Variants in SAMD5 observed in about 807,000 individuals in gnomAD.
SAMD5 encodes sterile alpha motif domain-containing protein 5.
A neutral mutation model predicts 11.3 loss-of-function variants in SAMD5; 13 were observed. That is an observed-to-expected ratio of 1.15 (90% CI 0.75 to 1.83). The LOEUF (loss-of-function observed/expected upper bound fraction) is 1.83, where lower values mean the gene tolerates loss of function less well. SAMD5 is among the 40% of genes most tolerant of loss of function. The pLI, the probability that SAMD5 is intolerant of heterozygous loss-of-function variation, is 0.00. For synonymous variants in SAMD5, 129 were observed against 111.3 expected (o/e 1.16, Z -1.00); for missense variants, 255 against 239.1 (o/e 1.07, Z -0.44).
chr6:147,917,348 A>G, the SAMD5 span, among the ~76,000 whole-genome samples: 2 of 148,624 alleles, frequency 1.3e-5, no homozygotes, highest in African/African-American at 5.0e-5. Context: ...GGCTGCATAA[A>G]TGTCTTCTTT....
At chr6:147,865,536 C>G in the SAMD5 span, among the ~76,000 whole-genome samples, 1 of 152,152 alleles carries the variant, frequency 6.6e-6, no homozygotes. Flanking sequence ...AGCAGCTTTG[C>G]AATTCTAAGT....
intron 1 of SAMD5, among the ~76,000 whole-genome samples, chr6:147,582,459 A>G (rs180794606): frequency 1.3e-5 from 2 of 152,252 alleles, no homozygotes; most frequent in African/African-American, 4.8e-5. Flanking sequence ...CTAAGAGTCT[A>G]TATATTCCTC....
At chr6:147,905,931 CTGAGCAATT>C in the SAMD5 span, among the ~76,000 whole-genome samples, 1 of 152,180 alleles carries the variant, frequency 6.6e-6, no homozygotes, top group African/African-American at 2.4e-5. Flanking sequence ...CCACTAGACG[CTGAGCAATT>C]TGAGGGCTGC....
the SAMD5 span, among the ~76,000 whole-genome samples, chr6:147,892,341 C>G: frequency 6.6e-6 from 1 of 152,294 alleles, no homozygotes; most frequent in East Asian, 1.9e-4. Context: ...ATTGGCTGCC[C>G]TATCAGGGAT....
the SAMD5 span, among the ~76,000 whole-genome samples, chr6:147,760,190 C>T: frequency 6.6e-6 from 1 of 152,042 alleles, no homozygotes; most frequent in African/African-American, 2.4e-5. Context: ...GCTTCATAAC[C>T]AATGAGCATG....
chr6:147,816,366 T>TTATA, the SAMD5 span, among the ~76,000 whole-genome samples: 582 of 139,056 alleles, frequency 4.2e-3, 6 homozygotes, highest in African/African-American at 0.014. Context: ...TATATGCAGT[T>TTATA]TATATATATA....
Position 147,509,329 on chromosome 6 carries a change from T to A in SAMD5, c.401T>A (p.Ile134Asn). The A allele has an allele frequency of 6.3e-7, 1 of 1,582,134 alleles. No homozygotes were observed. The highest frequency in any genetic ancestry group is 8.6e-7 in the Non-Finnish European group (1 of 1,166,112). The change falls in exon 1 of 2, where the codon ATC becomes AAC. Residue 134 changes from isoleucine (I) to asparagine (N), a missense_variant. By Grantham distance (149) the Ile-to-Asn change is moderately radical. Transcript: ENST00000367474. Reference protein sequence around the residue: ...SYPKLKLKIMIRDKLVRDGIH... With the variant: ...SYPKLKLKIMNRDKLVRDGIH... ...CCCAAACTGAAGCTGAAGATCATGA[T>A]CAGGGATAAGCTCGTCCGTGACGGC...
chr6:147,914,482 C>T, the SAMD5 span, among the ~76,000 whole-genome samples: 2 of 152,074 alleles, frequency 1.3e-5, no homozygotes, highest in Non-Finnish European at 1.5e-5. Flanking sequence ...GAATTCATGC[C>T]TCCCTGTCAA....
chr6:147,919,900 A>G, the SAMD5 span, among the ~76,000 whole-genome samples: 1 of 152,372 alleles, frequency 6.6e-6, no homozygotes, highest in African/African-American at 2.4e-5. Flanking sequence ...TCATAAAGAC[A>G]CTGAGAATTC....
chr6:147,944,842 T>C, the SAMD5 span, among the ~76,000 whole-genome samples: 1 of 152,202 alleles, frequency 6.6e-6, no homozygotes, highest in African/African-American at 2.4e-5. Context: ...AAGAATCTGT[T>C]CATGCCTCTT....
chr6:147,565,859 A>T lies in SAMD5; in HGVS notation c.*1403A>T, dbSNP rs894566195. The T allele has an allele frequency of 1.0e-5, 10 of 985,324 alleles. No individual in the cohort carries two copies. Among genetic ancestry groups the T allele is most frequent in the Non-Finnish European group, 4.8e-6 (4 of 829,936 alleles). 61.0% of individuals were successfully genotyped at this position (985,324 alleles called of 1,614,324 possible). ...GCCATGGCAAAAGATGTTGACGTAC[A>T]ACTGGCTCCTGAGGCTGTCAATTGT... On this transcript the variant is annotated 3_prime_UTR_variant, in exon 2 of 2. Coordinates refer to ENST00000367474, the MANE Select transcript of SAMD5 (RefSeq NM_001030060.3).
chr6:147,679,819 T>TTTG (rs374090513), intron 1 of SAMD5, among the ~76,000 whole-genome samples: 16 of 151,386 alleles, frequency 1.1e-4, no homozygotes, highest in South Asian at 2.1e-4. Context: ...TTTTTTTTTT[T>TTTG]CATGTGGGTA....
chr6:147,621,980 G>C (rs1434851681), intron 1 of SAMD5, among the ~76,000 whole-genome samples: 1 of 152,204 alleles, frequency 6.6e-6, no homozygotes, highest in East Asian at 1.9e-4. Flanking sequence ...TGTGAAAAGG[G>C]AGGAGGAACA....
At chr6:147,518,672 A>G in intron 1 of SAMD5, among the ~76,000 whole-genome samples, 1 of 152,226 alleles carries the variant, frequency 6.6e-6, no homozygotes, top group South Asian at 2.1e-4. Context: ...ACCATAATTG[A>G]TGACACACAG....
intron 1 of SAMD5, among the ~76,000 whole-genome samples, chr6:147,600,343 G>T (rs1789596882): frequency 6.6e-6 from 1 of 152,170 alleles, no homozygotes; most frequent in Non-Finnish European, 1.5e-5. Flanking sequence ...TGCCTGCATA[G>T]AAACTAAGGA....
chr6:147,682,454 C>G (rs183752593), intron 1 of SAMD5, among the ~76,000 whole-genome samples: 61 of 152,224 alleles, frequency 4.0e-4, no homozygotes, highest in African/African-American at 1.4e-3. Context: ...CTTCTGGTCA[C>G]TACTAATCTC....
intron 1 of SAMD5, among the ~76,000 whole-genome samples, chr6:147,615,521 A>C (rs1789852666): frequency 2.0e-5 from 3 of 152,332 alleles, no homozygotes; most frequent in African/African-American, 4.8e-5. Flanking sequence ...TTTTATTTAC[A>C]TCAAAATTAA....
the SAMD5 span, among the ~76,000 whole-genome samples, chr6:147,870,482 GTA>G: frequency 0.028 from 3,719 of 135,220 alleles, 149 homozygotes; most frequent in African/African-American, 0.09. Flanking sequence ...GTGTGTGTGT[GTA>G]TATATATATG....
chr6:147,924,287 CTAAGAGAATCTACAGTG>C, the SAMD5 span, among the ~76,000 whole-genome samples: 1 of 152,030 alleles, frequency 6.6e-6, no homozygotes, highest in African/African-American at 2.4e-5. Flanking sequence ...TGGTTTACAC[CTAAGAGAATCTACAGTG>C]TAAGAGAATC....
Sources: gnomAD v4.1 joint callset for allele counts (sites outside exome capture counted in the v4.1 genomes callset) on GRCh38, gnomAD v4.1.1 for gene constraint, MANE v1.5 for transcripts, NCBI Gene and HGNC (gene_info 2026-07-23, HGNC 2026-07-21) for gene names.